Variants in STARD9 observed in about 807,000 individuals in gnomAD.
STARD9 encodes the protein StAR related lipid transfer domain containing 9.
A neutral mutation model predicts 399.8 loss-of-function variants in STARD9; 346 were observed. The ratio of observed to expected loss-of-function variants is 0.87; its 90% confidence interval spans 0.79 to 0.95. The LOEUF (loss-of-function observed/expected upper bound fraction) is 0.95, where lower values mean the gene tolerates loss of function less well. Among genes scored for constraint, STARD9 ranks in the 40% least tolerant of loss-of-function variants. The probability of loss-of-function intolerance (pLI) is 0.00; values close to 1 mark genes in which losing one functional copy is unlikely to be tolerated. For synonymous variants in STARD9, 2,203 were observed against 2,143.5 expected (o/e 1.03, Z -0.77); for missense variants, 5,832 against 5,667.5 (o/e 1.03, Z -0.93).
rs1436551669 is a variant in STARD9, at chr15:42,675,700, G to A, written c.1724G>A (p.Arg575Gln). The A allele has an allele frequency of 4.6e-6, 7 of 1,537,112 alleles. No homozygotes were observed. The highest frequency in any genetic ancestry group is 4.9e-5 in the East Asian group (2 of 40,934). ...VITLGKAQKFRFNHPAEAAVL... is the reference protein window; with the variant it reads ...VITLGKAQKFQFNHPAEAAVL... ...ACCCTGGGGAAGGCACAGAAGTTCC[G>A]ATTCAACCACCCAGCAGAGGCTGCT... is the stretch of plus-strand genomic sequence containing the variant. The change falls in exon 19 of 33, where the codon CGA becomes CAA. Residue 575 changes from arginine to glutamine, a missense_variant. This residue lies in a region of STARD9 where 5,828 missense variants were observed against 5,651.1 expected (regional missense o/e 1.03). Transcript: ENST00000290607.
chr15:42,639,842 C>T (rs921642957), intron 7 of STARD9, among the ~76,000 whole-genome samples: 3 of 149,124 alleles, frequency 2.0e-5, no homozygotes, highest in East Asian at 2.0e-4. Context: ...CCAGCCTGTG[C>T]GACAGAGCAA....
chr15:42,621,331 T>C (rs1478400465), intron 3 of STARD9, among the ~76,000 whole-genome samples: 1 of 152,240 alleles, frequency 6.6e-6, no homozygotes, highest in African/African-American at 2.4e-5. Context: ...TTATATATTA[T>C]ATCTTTGATT....
intron 15 of STARD9, among the ~76,000 whole-genome samples, chr15:42,667,271 G>A (rs1490149557): frequency 6.6e-6 from 1 of 151,950 alleles, no homozygotes; most frequent in Non-Finnish European, 1.5e-5. Flanking sequence ...TGCAACCTCT[G>A]CCTCCCAGGT....
At chr15:42,587,430 T>C (rs1193784841) in intron 3 of STARD9, among the ~76,000 whole-genome samples, 1 of 152,214 alleles carries the variant, frequency 6.6e-6, no homozygotes, top group Non-Finnish European at 1.5e-5. Context: ...GTAGTCCTAA[T>C]GTGTTTGCTG....
chr15:42,604,220 A>G (rs1338238483), intron 3 of STARD9, among the ~76,000 whole-genome samples: 1 of 152,168 alleles, frequency 6.6e-6, no homozygotes, highest in Non-Finnish European at 1.5e-5. Context: ...GATTTTTGCA[A>G]AGGCAGTTTC....
chr15:42,587,575 T>A (rs538345359), intron 3 of STARD9, among the ~76,000 whole-genome samples: 107 of 152,256 alleles, frequency 7.0e-4, no homozygotes, highest in African/African-American at 2.5e-3. Context: ...ATTTATTTTA[T>A]TTTTTGGGGG....
Position 42,710,720 on chromosome 15 carries a change from T to A in STARD9, c.13285-5957T>A, listed in dbSNP as rs1214502293. 2.0e-5 allele frequency among the ~76,000 whole-genome samples: 3 copies of A among 152,216 alleles called. 1 individual carries two copies. On this transcript the variant is annotated intron_variant, in intron 26 of 32. Transcript: ENST00000290607. Reference sequence around the variant, plus strand: ...TTTATGCTCTCATAGTTCTGTAGGCTAGAAGTCCAAAATGTTGGTGTTAGC... The same window carrying A: ...TTTATGCTCTCATAGTTCTGTAGGCAAGAAGTCCAAAATGTTGGTGTTAGC...
chr15:42,648,718 T>C (rs1355260113), intron 7 of STARD9, among the ~76,000 whole-genome samples: 5 of 152,138 alleles, frequency 3.3e-5, no homozygotes, highest in East Asian at 1.9e-4. Context: ...TATCTTCTTA[T>C]CAGTTTTGGA....
At chr15:42,612,152 A>AT (rs1346102346) in intron 3 of STARD9, among the ~76,000 whole-genome samples, 1 of 152,036 alleles carries the variant, frequency 6.6e-6, no homozygotes, top group Admixed American at 6.6e-5. Flanking sequence ...TAATCTTTAT[A>AT]TTTTTTGTAG....
At position 42,669,247 on chromosome 15, in the gene STARD9, G is replaced by A; in HGVS notation, c.1407G>A (p.Arg469=). ...EHYSVDINRR[R]AGVVIDSSLP... is the part of the protein sequence containing the mutation. ...ACAGTGTGGACATCAACAGGAGGAG[G>A]GCTGGGGTGGTCATCGACTCCAGCC... is the stretch of plus-strand genomic sequence containing the variant. The change falls in exon 16 of 33, where the codon AGG becomes AGA. Residue 469 remains arginine (R), a synonymous_variant. Transcript: ENST00000290607. 6.5e-7 allele frequency: 1 copy of A among 1,537,106 alleles called. No homozygotes were observed.
At chr15:42,718,726 G>C in intron 31 of STARD9, 26 bp from the exon 32 acceptor site, 1 of 1,536,318 alleles carries the variant, frequency 6.5e-7, no homozygotes, top group South Asian at 1.2e-5. Context: ...TACACAGGCA[G>C]GACTCCCATT....
chr15:42,714,057 GA>G (rs1812281770), intron 26 of STARD9, among the ~76,000 whole-genome samples: 1 of 140,118 alleles, frequency 7.1e-6, no homozygotes, highest in Non-Finnish European at 1.5e-5. Context: ...TATGCACTAA[GA>G]TTTTTTTTTT....
chr15:42,611,852 A>G (rs1156638852), intron 3 of STARD9, among the ~76,000 whole-genome samples: 1 of 152,228 alleles, frequency 6.6e-6, no homozygotes, highest in Non-Finnish European at 1.5e-5. Context: ...ACACTGGAAT[A>G]TTATTTATTA....
At position 42,681,591 on chromosome 15, in the gene STARD9, AT is replaced by A. The variant is rs757418755; in HGVS notation, c.2046del (p.Ser683AlafsTer30). 6.5e-7 allele frequency: 1 copy of A among 1,536,900 alleles called. No homozygotes were observed. Among genetic ancestry groups the A allele is most frequent in the Non-Finnish European group, 8.7e-7 (1 of 1,146,816 alleles). Reference sequence around the variant, plus strand: ...GGAACTGGAATTTGACCAAGCTTGGATTAGCCAGCAGATTAAAGAAAGTAGG... The same window carrying A: ...GGAACTGGAATTTGACCAAGCTTGGATAGCCAGCAGATTAAAGAAAGTAGG... ...AKELEFDQAW[I>X]SQQIKENQQC... On this transcript the variant is annotated frameshift_variant, in exon 21 of 33. Transcript: ENST00000290607. LOFTEE classifies it high-confidence loss of function.
chr15:42,635,038 A>G, intron 4 of STARD9, 66 bp downstream of exon 4: 1 of 760,208 alleles, frequency 1.3e-6, no homozygotes, highest in South Asian at 2.0e-5. Context: ...TGTCCTTACT[A>G]CTGTGAGACA....
chr15:42,589,660 G>A (rs968248349), intron 3 of STARD9, among the ~76,000 whole-genome samples: 3 of 150,898 alleles, frequency 2.0e-5, no homozygotes, highest in African/African-American at 4.9e-5. Flanking sequence ...AGGCTGGAGC[G>A]CAGTGGTGCG....
At chr15:42,709,730 G>A (rs903708230) in intron 26 of STARD9, among the ~76,000 whole-genome samples, 5 of 152,094 alleles carry the variant, frequency 3.3e-5, no homozygotes, top group Non-Finnish European at 5.9e-5. Flanking sequence ...GGAAAATCCT[G>A]TTTTTCCTCA....
At position 42,684,401 on chromosome 15, in the gene STARD9, C is replaced by T; in HGVS notation, c.2823C>T (p.Pro941=). The T allele has an allele frequency of 2.0e-6, 3 of 1,537,140 alleles. No homozygotes were observed. Among genetic ancestry groups the T allele is most frequent in the South Asian group, 2.4e-5 (2 of 84,062 alleles). The part of the protein sequence containing the change: ...IQEMEMGVKQ[P]HQMVSQGLAS... ...AAATGGAGATGGGGGTTAAGCAGCCCCATCAGATGGTGAGCCAGGGCTTAG... is the reference window on the plus strand; with the variant it reads ...AAATGGAGATGGGGGTTAAGCAGCCTCATCAGATGGTGAGCCAGGGCTTAG... The change falls in exon 23 of 33, where the codon CCC becomes CCT. Residue 941 remains proline (P), a synonymous_variant. Coordinates refer to ENST00000290607, the MANE Select transcript of STARD9 (RefSeq NM_020759.3).
In STARD9 at chr15:42,686,184, C is replaced by T. The variant is rs759200132; in HGVS notation, c.4606C>T (p.Pro1536Ser). The change falls in exon 23 of 33, where the codon CCT becomes TCT. Residue 1536 changes from proline (P) to serine (S), a missense_variant. By Grantham distance (74) the Pro-to-Ser change is moderately conservative. Transcript: ENST00000290607. ...AGGAGATACTCTATTGCCAGTTGGC[C>T]CTAGGGTATCTAGCAATCTGAATCT... ...KGGDTLLPVGPRVSSNLNLNN... is the reference protein window; with the variant it reads ...KGGDTLLPVGSRVSSNLNLNN... 1.0e-5 allele frequency: 16 copies of T among 1,537,332 alleles called. No individual in the cohort carries two copies. The highest frequency in any genetic ancestry group is 1.4e-5 in the Non-Finnish European group (16 of 1,146,936).
Sources: gnomAD v4.1 joint callset for allele counts (sites outside exome capture counted in the v4.1 genomes callset) on GRCh38, gnomAD v4.1.1 for gene constraint, gnomAD v4.1.1 regional missense constraint, MANE v1.5 for transcripts, NCBI Gene and HGNC (gene_info 2026-07-23, HGNC 2026-07-21) for gene names.